Variants in CPOX observed in about 807,000 individuals in gnomAD.
CPOX encodes the protein coproporphyrinogen oxidase.
A neutral mutation model predicts 48.9 loss-of-function variants in CPOX; 24 were observed. The observed-to-expected ratio is 0.49, with a 90% CI of 0.36 to 0.69. CPOX has a LOEUF of 0.69. CPOX is among the 30% of genes least tolerant of loss of function. The pLI, the probability that CPOX is intolerant of heterozygous loss-of-function variation, is 0.00. For synonymous variants in CPOX, 249 were observed against 234.6 expected (o/e 1.06, Z -0.56); for missense variants, 549 against 597.3 (o/e 0.92, Z 0.84).
rs778213164 is a variant in CPOX, at chr3:98,593,133, G to A, written c.372C>T (p.Ala124=). Residue 124 remains alanine (A), a synonymous_variant, in exon 1 of 7, where the codon GCC becomes GCT. Transcript: ENST00000647941. The part of the protein sequence containing the change: ...GRPEEEEDEL[A]HRCSSFMAPP... ...GGGCCATGAAGCTGCTGCAGCGGTG[G>A]GCCAGCTCATCCTCCTCCTCCTCCG... 5 of 1,613,310 alleles carry A rather than the reference G, an allele frequency of 3.1e-6. No individual in the cohort carries two copies. The Admixed American group carries it at 5.0e-5, about 16-fold the overall frequency.
chr3:98,576,472 T>G (rs926175405), downstream of CPOX, among the ~76,000 whole-genome samples: 1 of 152,168 alleles, frequency 6.6e-6, no homozygotes, highest in African/African-American at 2.4e-5. Flanking sequence ...CCAGGTGAGA[T>G]TTGGGTGGGG....
downstream of CPOX, chr3:98,578,303 C>T (rs187566576): frequency 1.2e-4 from 100 of 800,024 alleles, no homozygotes; most frequent in Non-Finnish European, 1.4e-4. Flanking sequence ...ATTTTATCTT[C>T]ATTTACCCGC....
At chr3:98,571,782 G>T in the CPOX span, among the ~76,000 whole-genome samples, 1 of 151,812 alleles carries the variant, frequency 6.6e-6, no homozygotes, top group African/African-American at 2.4e-5. Context: ...GTATTTCCTA[G>T]ATATGAGTAA....
chr3:98,581,418 A>T lies in CPOX; in HGVS notation c.1266T>A (p.Pro422=), dbSNP rs563304155. 270 of 1,612,354 alleles carry T rather than the reference A, an allele frequency of 1.7e-4. No homozygotes were observed. Among genetic ancestry groups the T allele is most frequent in the Non-Finnish European group, 2.2e-4 (256 of 1,178,552 alleles). ...AGTTATCTCCTTACCGGGCAGTTAGAGGTAAAGACATCAAGATACTTTCAA... is the reference window on the plus strand; with the variant it reads ...AGTTATCTCCTTACCGGGCAGTTAGTGGTAAAGACATCAAGATACTTTCAA... ...SRIESILMSL[P]LTARWEYMHS... is the part of the protein sequence containing the mutation. Residue 422 remains proline, a synonymous_variant, in exon 6 of 7, where the codon CCT becomes CCA. Coordinates refer to ENST00000647941, the MANE Select transcript of CPOX (RefSeq NM_000097.7).
chr3:98,573,732 G>A, the CPOX span, among the ~76,000 whole-genome samples: 1 of 152,146 alleles, frequency 6.6e-6, no homozygotes, highest in Non-Finnish European at 1.5e-5. Context: ...AGAAGACCTT[G>A]ATAATGTATA....
At chr3:98,583,828 A>C (rs1707305390) in intron 5 of CPOX, among the ~76,000 whole-genome samples, 1 of 152,218 alleles carries the variant, frequency 6.6e-6, no homozygotes, top group African/African-American at 2.4e-5. Context: ...TAGAAACCAA[A>C]GACAGTGTTG....
chr3:98,577,775 C>T (rs1055384485), downstream of CPOX, among the ~76,000 whole-genome samples: 1 of 152,202 alleles, frequency 6.6e-6, no homozygotes, highest in Admixed American at 6.5e-5. Context: ...AGCCTGCAGT[C>T]CAAGATGAGC....
downstream of CPOX, among the ~76,000 whole-genome samples, chr3:98,574,653 C>T (rs1707133471): frequency 6.6e-6 from 1 of 152,206 alleles, no homozygotes; most frequent in African/African-American, 2.4e-5. Context: ...ACGATCTTGG[C>T]TCACTGCACC....
At chr3:98,590,483 T>C in intron 3 of CPOX, 149 bp downstream of exon 3, 2 of 701,426 alleles carry the variant, frequency 2.9e-6, no homozygotes, top group Non-Finnish European at 5.2e-6. Flanking sequence ...GCATAATCCA[T>C]TGCACTTGCC....
At chr3:98,579,347 G>A (rs1559672733), downstream of CPOX, 2 of 303,440 alleles carry the variant, frequency 6.6e-6, no homozygotes, top group Non-Finnish European at 9.7e-6. Context: ...GTAAGGAGGA[G>A]TTGGGGCCCC....
intron 3 of CPOX, among the ~76,000 whole-genome samples, chr3:98,590,321 G>A (rs1311045638): frequency 6.6e-6 from 1 of 152,208 alleles, no homozygotes; most frequent in African/African-American, 2.4e-5. Flanking sequence ...CTAAGTTTTT[G>A]TATTTTTAGT....
In CPOX at chr3:98,580,699, C is replaced by T; in HGVS notation, c.1349G>A (p.Arg450Lys). Residue 450 changes from arginine to lysine, a missense_variant, in exon 7 of 7, where the codon AGG becomes AAG. Around this residue, in one of 2 missense-constraint regions of CPOX, gnomAD observed 213 missense variants for 279.1 expected, o/e 0.76. Coordinates refer to ENST00000647941, the MANE Select transcript of CPOX (RefSeq NM_000097.7). Reference protein sequence around the residue: ...AEILEVLRHPRDWVR With the variant: ...AEILEVLRHPKDWVR ...CTGCCTGCATCAACGCACCCAGTCC[C>T]TTGGATGGCGTAGAACTTCCAGAAT... The T allele has an allele frequency of 6.2e-7, 1 of 1,614,198 alleles. No individual in the cohort carries two copies. The highest frequency in any genetic ancestry group is 8.5e-7 in the Non-Finnish European group (1 of 1,180,016).
At chr3:98,573,562 C>T in the CPOX span, among the ~76,000 whole-genome samples, 1 of 110,348 alleles carries the variant, frequency 9.1e-6, no homozygotes, top group Non-Finnish European at 1.9e-5. Context: ...CTTTCTCCTC[C>T]TCCACTCCCT....
At chr3:98,583,157 C>T (rs1330000415) in intron 5 of CPOX, among the ~76,000 whole-genome samples, 1 of 152,134 alleles carries the variant, frequency 6.6e-6, no homozygotes, top group African/African-American at 2.4e-5. Flanking sequence ...CTGTTGGATC[C>T]TTTCCTTTAT....
intron 2 of CPOX, 23 bp downstream of exon 2, chr3:98,590,989 A>T: frequency 6.2e-7 from 1 of 1,613,732 alleles, no homozygotes; most frequent in Non-Finnish European, 8.5e-7. Context: ...ACTATTAGAG[A>T]CTATCAAGAC....
rs1420022192 is a variant in CPOX at position 98,579,844 on chromosome 3, A to G, written c.*839T>C. ...TTTCTCATTTCATTTTCCAAATGAG[A>G]AACATTGCCTAAATTCATGACATCC... On this transcript the variant is annotated 3_prime_UTR_variant, in exon 7 of 7. Transcript: ENST00000647941. The G allele has an allele frequency of 2.0e-5, 20 of 985,352 alleles. No homozygotes were observed. The highest frequency in any genetic ancestry group is 1.9e-5 in the Non-Finnish European group (16 of 829,560). The allele number at this position is 985,352 out of a possible 1,614,324, so 61.0% of individuals were successfully genotyped here.
rs911680402 is a variant in CPOX, at chr3:98,590,484, T to C, written c.811+148A>G. On this transcript the variant is annotated intron_variant, in intron 3 of 6. Coordinates refer to ENST00000647941, the MANE Select transcript of CPOX (RefSeq NM_000097.7). ...TTGTCATGTCTCAGGCATAATCCATTGCACTTGCCAAGAAATTGCCTTTAC... is the reference window on the plus strand; with the variant it reads ...TTGTCATGTCTCAGGCATAATCCATCGCACTTGCCAAGAAATTGCCTTTAC... The C allele has an allele frequency of 4.3e-5, 30 of 702,354 alleles. No individual in the cohort carries two copies. The African/African-American group carries it at 4.4e-4, about 10-fold the overall frequency. 43.5% of individuals were successfully genotyped at this position (702,354 alleles called of 1,614,324 possible).
rs966194530 is a variant in CPOX at position 98,591,805 on chromosome 3, T to C, written c.557-650A>G. On this transcript the variant is annotated intron_variant, in intron 1 of 6. Coordinates refer to ENST00000647941, the MANE Select transcript of CPOX (RefSeq NM_000097.7). ...ATTTAGAGCTGGATGGGACATAAGATGATCCAGTACAACCCTCATATATTC... is the reference window on the plus strand; with the variant it reads ...ATTTAGAGCTGGATGGGACATAAGACGATCCAGTACAACCCTCATATATTC... 1.6e-3 allele frequency among the ~76,000 whole-genome samples: 242 copies of C among 152,278 alleles called. 1 individual carries two copies. The highest frequency in any genetic ancestry group is 5.4e-3 in the African/African-American group (226 of 41,542).
At chr3:98,588,918 A>G (rs1707420649) in intron 3 of CPOX, 64 bp from the exon 4 acceptor site, 1 of 1,574,818 alleles carries the variant, frequency 6.3e-7, no homozygotes, top group Non-Finnish European at 8.7e-7. Flanking sequence ...TGGCTATATT[A>G]GGACACTTAA....
Sources: allele counts gnomAD v4.1 joint callset (sites outside exome capture counted in the v4.1 genomes callset), GRCh38; gene constraint gnomAD v4.1.1; regional missense constraint gnomAD v4.1.1; transcripts MANE v1.5; gene names NCBI Gene and HGNC (gene_info 2026-07-23, HGNC 2026-07-21).